Variants in KCNIP1 observed in about 807,000 individuals in gnomAD.
The protein encoded by KCNIP1 is A-type potassium channel modulatory protein KCNIP1.
KCNIP1 carries 18 observed loss-of-function variants against 33.0 expected under a neutral mutation model. That is an observed-to-expected ratio of 0.55 (90% CI 0.38 to 0.81). The LOEUF is 0.81. Ranked by LOEUF, KCNIP1 falls within the 30% of genes least tolerant of loss-of-function variation. The pLI is 0.00. For missense variants in KCNIP1, 238 were observed against 271.6 expected, an observed-to-expected ratio of 0.88 and a Z score of 0.87; for synonymous variants, 93 against 98.3, an observed-to-expected ratio of 0.95 and a Z score of 0.32.
At chr5:170,587,495 A>G (rs1758044782) in intron 1 of KCNIP1, among the ~76,000 whole-genome samples, 1 of 151,548 alleles carries the variant, frequency 6.6e-6, no homozygotes, top group African/African-American at 2.4e-5. Flanking sequence ...GAAGTCCAAA[A>G]TGAGTCTTAT....
chr5:170,556,125 A>T (rs898012208), intron 1 of KCNIP1, among the ~76,000 whole-genome samples: 2 of 152,244 alleles, frequency 1.3e-5, no homozygotes, highest in African/African-American at 4.8e-5. Context: ...CGTACATTTC[A>T]TTCTCAAGAT....
intron 1 of KCNIP1, among the ~76,000 whole-genome samples, chr5:170,519,291 T>A (rs1755269080): frequency 6.6e-6 from 1 of 152,202 alleles, no homozygotes; most frequent in African/African-American, 2.4e-5. Flanking sequence ...AATCCCCTGA[T>A]TCTGGCACTC....
At chr5:170,649,305 A>G (rs1422024554) in intron 1 of KCNIP1, among the ~76,000 whole-genome samples, 1 of 152,240 alleles carries the variant, frequency 6.6e-6, no homozygotes, top group Non-Finnish European at 1.5e-5. Context: ...AAATGAAAAT[A>G]AAAATAGATA....
chr5:170,596,865 G>A (rs962648919), intron 1 of KCNIP1, among the ~76,000 whole-genome samples: 14 of 152,224 alleles, frequency 9.2e-5, no homozygotes, highest in Non-Finnish European at 1.6e-4. Flanking sequence ...CAAAATCAAG[G>A]ATCAGAGCTT....
intron 1 of KCNIP1, chr5:170,383,648 G>C: frequency 6.2e-7 from 1 of 1,612,644 alleles, no homozygotes; most frequent in Non-Finnish European, 8.5e-7. Flanking sequence ...CAGGGATAAA[G>C]GGATGTGTCC....
intron 1 of KCNIP1, among the ~76,000 whole-genome samples, chr5:170,385,838 G>A (rs1257011215): frequency 6.6e-6 from 1 of 152,012 alleles, no homozygotes; most frequent in African/African-American, 2.4e-5. Context: ...GGCTCTTGAA[G>A]GCCAGGTGCG....
At position 170,638,896 on chromosome 5, in the gene KCNIP1, C is replaced by A. The variant is rs76219995; in HGVS notation, c.62-79862C>A. ...TCCAGCTATGACCAGCAGAGGGCAG[C>A]AGCAGCCTGGGGAAGACCCAGAGGC... On this transcript the variant is annotated intron_variant, in intron 1 of 7. Transcript: ENST00000328939. Among the ~76,000 whole-genome samples, 1,489 of 152,322 alleles carry A rather than the reference C, an allele frequency of 9.8e-3. 13 individuals are homozygous for A. Among genetic ancestry groups the A allele is most frequent in the African/African-American group, 0.032 (1,339 of 41,578 alleles).
intron 1 of KCNIP1, among the ~76,000 whole-genome samples, chr5:170,624,635 C>T: frequency 6.6e-6 from 1 of 151,300 alleles, no homozygotes; most frequent in Non-Finnish European, 1.5e-5. Context: ...AAACGTTTCG[C>T]CTGCCCGTGA....
chr5:170,592,201 G>T (rs1758285981), intron 1 of KCNIP1, among the ~76,000 whole-genome samples: 1 of 152,120 alleles, frequency 6.6e-6, no homozygotes, highest in African/African-American at 2.4e-5. Context: ...TGCAGGTTTT[G>T]ATTTGTAGAT....
intron 1 of KCNIP1, among the ~76,000 whole-genome samples, chr5:170,426,274 A>ACACACACACACACAC (rs371118514): frequency 1.8e-5 from 1 of 56,712 alleles, no homozygotes; most frequent in Non-Finnish European, 3.6e-5. Context: ...CACACACACA[A>ACACACACACACACAC]ACACACACAC....
chr5:170,726,902 C>A (rs1436100670), intron 5 of KCNIP1, among the ~76,000 whole-genome samples: 1 of 151,676 alleles, frequency 6.6e-6, no homozygotes. Flanking sequence ...CAGAGCAAGA[C>A]CCTGTCTCAA....
At chr5:170,475,557 CAG>C (rs1756838625) in intron 1 of KCNIP1, among the ~76,000 whole-genome samples, 1 of 152,130 alleles carries the variant, frequency 6.6e-6, no homozygotes, top group Non-Finnish European at 1.5e-5. Flanking sequence ...GCTGGTAAGA[CAG>C]GGAAATAGAG....
intron 1 of KCNIP1, among the ~76,000 whole-genome samples, chr5:170,648,397 G>A (rs927309941): frequency 5.3e-5 from 8 of 152,140 alleles, no homozygotes; most frequent in South Asian, 2.1e-4. Context: ...TTCAGTGAGC[G>A]AATGGTTAAA....
chr5:170,371,775 A>G (rs1378665666), intron 1 of KCNIP1, among the ~76,000 whole-genome samples: 1 of 152,220 alleles, frequency 6.6e-6, no homozygotes, highest in African/African-American at 2.4e-5. Flanking sequence ...ATATGCCCAA[A>G]TGAAAGTGGC....
At chr5:170,573,363 C>A (rs1335369646) in intron 1 of KCNIP1, among the ~76,000 whole-genome samples, 1 of 152,152 alleles carries the variant, frequency 6.6e-6, no homozygotes, top group Non-Finnish European at 1.5e-5. Context: ...TGGTTGCTCT[C>A]CAGGAATGTC....
At chr5:170,598,925 GTGT>G in intron 1 of KCNIP1, among the ~76,000 whole-genome samples, 1 of 151,054 alleles carries the variant, frequency 6.6e-6, no homozygotes, top group Non-Finnish European at 1.5e-5. Context: ...GTGTGTGTGT[GTGT>G]GTGTGTGTGT....
chr5:170,378,626 G>T (rs2656842), intron 1 of KCNIP1: 431,266 of 1,437,590 alleles, frequency 0.3, 68,114 homozygotes, highest in African/African-American at 0.47. Context: ...AAGGCATTGT[G>T]CTGCAAGTGG....
intron 1 of KCNIP1, among the ~76,000 whole-genome samples, chr5:170,605,770 C>CTTTTTTTTTTTTTTTTTTTTTTTTTTT (rs766469605): frequency 9.8e-6 from 1 of 102,350 alleles, no homozygotes; most frequent in Admixed American, 1.2e-4. Context: ...CAACCCTGTT[C>CTTTTTTTTTTTTTTTTTTTTTTTTTTT]TTTTTTTTTT....
intron 1 of KCNIP1, among the ~76,000 whole-genome samples, chr5:170,435,962 A>T (rs967665072): frequency 2.0e-5 from 3 of 152,130 alleles, no homozygotes; most frequent in Non-Finnish European, 4.4e-5. Flanking sequence ...TGCCCCCTCG[A>T]TCTCAATCAG....
Sources: allele counts gnomAD v4.1 joint callset (sites outside exome capture counted in the v4.1 genomes callset), GRCh38; gene constraint gnomAD v4.1.1; transcripts MANE v1.5; gene names NCBI Gene and HGNC (gene_info 2026-07-23, HGNC 2026-07-21).